The following CSGALNACT1 variants were observed in gnomAD, a reference collection of about 807,000 sequenced individuals.
CSGALNACT1 encodes chondroitin sulfate N-acetylgalactosaminyltransferase 1.
A neutral mutation model predicts 51.0 loss-of-function variants in CSGALNACT1; 52 were observed. The ratio of observed to expected loss-of-function variants is 1.02; its 90% CI spans 0.82 to 1.29. The LOEUF (loss-of-function observed/expected upper bound fraction) is 1.29. Ranked by LOEUF, CSGALNACT1 falls within the 50% of genes most tolerant of loss-of-function variation. The pLI is 0.00. For synonymous variants in CSGALNACT1, 341 were observed against 254.4 expected (o/e 1.34, Z -3.24); for missense variants, 935 against 679.2 (o/e 1.38, Z -4.19).
intron 4 of CSGALNACT1, among the ~76,000 whole-genome samples, chr8:19,504,465 C>G (rs1271323058): frequency 6.6e-6 from 1 of 152,128 alleles, no homozygotes; most frequent in African/African-American, 2.4e-5. Context: ...ATTTTTGAAC[C>G]AGTAACAATA....
At chr8:19,451,828 T>G (rs1225856489) in intron 5 of CSGALNACT1, among the ~76,000 whole-genome samples, 1 of 152,166 alleles carries the variant, frequency 6.6e-6, no homozygotes, top group Non-Finnish European at 1.5e-5. Flanking sequence ...ATAATCCGCA[T>G]AGAACTGCAA....
chr8:19,490,420 G>A (rs2074100816), intron 4 of CSGALNACT1, among the ~76,000 whole-genome samples: 1 of 152,110 alleles, frequency 6.6e-6, no homozygotes, highest in African/African-American at 2.4e-5. Flanking sequence ...TTTTCCTCTT[G>A]TCCTTGAAAA....
chr8:19,729,536 G>A (rs1369412736), intron 1 of CSGALNACT1, among the ~76,000 whole-genome samples: 1 of 152,128 alleles, frequency 6.6e-6, no homozygotes, highest in Non-Finnish European at 1.5e-5. Context: ...GCTGTAGAGA[G>A]GTTTCAAGGA....
chr8:19,427,072 T>G (rs1262216591), intron 6 of CSGALNACT1, among the ~76,000 whole-genome samples: 1 of 152,178 alleles, frequency 6.6e-6, no homozygotes, highest in Non-Finnish European at 1.5e-5. Flanking sequence ...GAACATGTTA[T>G]CATCCAATTT....
chr8:19,556,105 G>T (rs1283233632), intron 3 of CSGALNACT1, among the ~76,000 whole-genome samples: 1 of 152,060 alleles, frequency 6.6e-6, no homozygotes, highest in African/African-American at 2.4e-5. Context: ...TGGCCGGGCA[G>T]GGTGGTTCAT....
chr8:19,696,787 G>A (rs973270561), intron 1 of CSGALNACT1, among the ~76,000 whole-genome samples: 1 of 152,172 alleles, frequency 6.6e-6, no homozygotes, highest in Non-Finnish European at 1.5e-5. Flanking sequence ...CGGTACACAG[G>A]AACCACACAC....
chr8:19,673,932 A>T (rs2059979205), intron 1 of CSGALNACT1, among the ~76,000 whole-genome samples: 1 of 152,212 alleles, frequency 6.6e-6, no homozygotes. Flanking sequence ...TACTGAAAAG[A>T]TAAATGCAGA....
At chr8:19,666,839 A>C (rs866827562) in intron 1 of CSGALNACT1, among the ~76,000 whole-genome samples, 1 of 58,148 alleles carries the variant, frequency 1.7e-5, no homozygotes, top group African/African-American at 1.1e-4. Flanking sequence ...GAGAGAAAGA[A>C]AGAAAGAAAG....
intron 1 of CSGALNACT1, among the ~76,000 whole-genome samples, chr8:19,664,415 A>C (rs1368513752): frequency 6.6e-6 from 1 of 152,182 alleles, no homozygotes; most frequent in Non-Finnish European, 1.5e-5. Context: ...GCCTTCAAGG[A>C]AGACAGTATG....
intron 4 of CSGALNACT1, among the ~76,000 whole-genome samples, chr8:19,468,769 G>A (rs1342846433): frequency 2.0e-5 from 3 of 152,148 alleles, no homozygotes; most frequent in Admixed American, 6.5e-5. Context: ...TTGAAGAGGT[G>A]TATGAGTAGA....
chr8:19,554,091 AAT>A (rs33917610), intron 3 of CSGALNACT1, among the ~76,000 whole-genome samples: 15,647 of 152,126 alleles, frequency 0.1, 876 homozygotes, highest in African/African-American at 0.15. Flanking sequence ...GTAAGAGAAT[AAT>A]AGAGAACGAA....
chr8:19,469,754 C>G (rs1021307911), intron 4 of CSGALNACT1, among the ~76,000 whole-genome samples: 2 of 152,184 alleles, frequency 1.3e-5, no homozygotes, highest in African/African-American at 4.8e-5. Flanking sequence ...CCCACAGACA[C>G]TCTCTGTTAC....
chr8:19,561,633 C>G (rs1182677979), intron 3 of CSGALNACT1, among the ~76,000 whole-genome samples: 1 of 152,216 alleles, frequency 6.6e-6, no homozygotes, highest in Non-Finnish European at 1.5e-5. Context: ...CCTTCTCTCC[C>G]TTTACAAGGG....
intron 3 of CSGALNACT1, among the ~76,000 whole-genome samples, chr8:19,570,500 G>C (rs1198856245): frequency 6.6e-6 from 1 of 152,172 alleles, no homozygotes; most frequent in Non-Finnish European, 1.5e-5. Context: ...CAGAGAGCAA[G>C]AGGTAATGAG....
chr8:19,613,631 C>A (rs2154154320), intron 1 of CSGALNACT1, among the ~76,000 whole-genome samples: 1 of 152,280 alleles, frequency 6.6e-6, no homozygotes, highest in Middle Eastern at 3.4e-3. Context: ...TTTGTTTGTT[C>A]CTACTGGAGC....
chr8:19,755,466 A>AAAAAAAAAAAAAAAAAAAAAAAAAAAAAC (rs1454968502), intron 1 of CSGALNACT1, among the ~76,000 whole-genome samples: 1 of 127,082 alleles, frequency 7.9e-6, no homozygotes, highest in Admixed American at 7.6e-5. Flanking sequence ...CAAAAAAAAA[A>AAAAAAAAAAAAAAAAAAAAAAAAAAAAAC]AAAAAAAAAA....
chr8:19,461,673 C>G (rs1381748441), intron 4 of CSGALNACT1, among the ~76,000 whole-genome samples: 1 of 150,382 alleles, frequency 6.6e-6, no homozygotes, highest in African/African-American at 2.5e-5. Context: ...ATCCGCACAG[C>G]GGCCACATTC....
chr8:19,529,214 T>G (rs183736258), intron 3 of CSGALNACT1, among the ~76,000 whole-genome samples: 2 of 152,178 alleles, frequency 1.3e-5, no homozygotes, highest in East Asian at 3.9e-4. Context: ...AAGAGTGAAT[T>G]AAAGACAGAG....
At chr8:19,470,814 C>A (rs184525477) in intron 4 of CSGALNACT1, among the ~76,000 whole-genome samples, 1 of 152,058 alleles carries the variant, frequency 6.6e-6, no homozygotes, top group African/African-American at 2.4e-5. Flanking sequence ...GACAAAAATG[C>A]GCTGGACGTG....
Sources: gnomAD v4.1 joint callset for allele counts (sites outside exome capture counted in the v4.1 genomes callset) on GRCh38, gnomAD v4.1.1 for gene constraint, MANE v1.5 for transcripts, NCBI Gene and HGNC (gene_info 2026-07-23, HGNC 2026-07-21) for gene names.